PHF3: variants seen among roughly 807,000 people sequenced by gnomAD.
PHF3 encodes PHD finger protein 3.
PHF3 carries 41 observed loss-of-function variants against 178.4 expected under a neutral mutation model. That is an observed-to-expected ratio of 0.23 (90% CI 0.18 to 0.30). The LOEUF is 0.30. Ranked by LOEUF, PHF3 falls within the 10% of genes least tolerant of loss-of-function variation. The pLI is 1.00. For synonymous variants in PHF3, 842 were observed against 800.5 expected (o/e 1.05, Z -0.88); for missense variants, 2,346 against 2,398.1 (o/e 0.98, Z 0.45).
rs140663237 is a variant in PHF3, at chr6:63,685,652, A to G, written c.1930A>G (p.Lys644Glu). The G allele has an allele frequency of 2.5e-6, 4 of 1,614,014 alleles. No homozygotes were observed. In the African/African-American group the frequency reaches 5.3e-5, roughly 22 times the overall value. ...APAMKTNSHV[K>E]EELEHPGVEH... Reference sequence around the variant, plus strand: ...AGCAATGAAAACCAATAGTCACGTGAAGGAAGAGCTTGAACACCCAGGCGT... The same window carrying G: ...AGCAATGAAAACCAATAGTCACGTGGAGGAAGAGCTTGAACACCCAGGCGT... The change falls in exon 4 of 16, where the codon AAG becomes GAG. Residue 644 changes from lysine to glutamate, a missense_variant. Lys to Glu is a moderately conservative substitution (Grantham distance 56). Transcript: ENST00000262043.
At chr6:63,640,632 G>A (rs1345902113) in intron 1 of PHF3, among the ~76,000 whole-genome samples, 1 of 152,154 alleles carries the variant, frequency 6.6e-6, no homozygotes, top group African/African-American at 2.4e-5. Context: ...TGTTCTTCCT[G>A]TAGGAGATAG....
At chr6:63,707,486 ATAT>A (rs1235249379) in intron 13 of PHF3, among the ~76,000 whole-genome samples, 2 of 152,232 alleles carry the variant, frequency 1.3e-5, no homozygotes, top group Non-Finnish European at 2.9e-5. Context: ...TAACATTATA[ATAT>A]TGTGATAAAT....
In PHF3 at chr6:63,703,602, T is replaced by C. The variant is rs1767569640; in HGVS notation, c.3298T>C (p.Ser1100Pro). ...GSEKQKEEVD[S>P]MSKDTTSQHR... is the part of the protein sequence containing the mutation. Reference sequence around the variant, plus strand: ...TGAAAAACAAAAAGAGGAGGTTGACTCTATGTCTAAAGATACCACTAGTCA... The same window carrying C: ...TGAAAAACAAAAAGAGGAGGTTGACCCTATGTCTAAAGATACCACTAGTCA... The change falls in exon 11 of 16, where the codon TCT becomes CCT. Residue 1100 changes from serine (S) to proline (P), a missense_variant. Transcript: ENST00000262043. 6.2e-7 allele frequency: 1 copy of C among 1,613,160 alleles called. No individual in the cohort carries two copies.
Position 63,712,018 on chromosome 6 carries a change from C to T in PHF3, c.4430C>T (p.Thr1477Ile), listed in dbSNP as rs1275786404. The part of the protein sequence containing the change: ...DDILQSLLGT[T>I]GQVYDQAQSV... ...ATACTTCAAAGCCTTTTGGGCACCA[C>T]TGGTCAAGTATATGACCAGGCCCAG... The change falls in exon 16 of 16, where the codon ACT becomes ATT. Residue 1477 changes from threonine (T) to isoleucine (I), a missense_variant. Physicochemically the swap from Thr to Ile is moderately conservative, Grantham distance 89. Around this residue, in one of 8 missense-constraint regions of PHF3, gnomAD observed 839 missense variants for 806.9 expected, o/e 1.04. Coordinates refer to ENST00000262043, the MANE Select transcript of PHF3 (RefSeq NM_001370348.2). 2 of 1,613,574 alleles carry T rather than the reference C, an allele frequency of 1.2e-6. No individual in the cohort carries two copies. The highest frequency in any genetic ancestry group is 1.7e-6 in the Non-Finnish European group (2 of 1,179,924).
Position 63,716,430 on chromosome 6 carries a change from GAC to G in PHF3, c.*2726_*2727del, listed in dbSNP as rs1285277565. ...CCCAACTGTTCAGTGTGAGTCAGAA[GAC>G]ACAACCAAAAACCTGTAAGTTCTTT... On this transcript the variant is annotated 3_prime_UTR_variant, in exon 16 of 16. Coordinates refer to ENST00000262043, the MANE Select transcript of PHF3 (RefSeq NM_001370348.2). 1.3e-5 allele frequency among the ~76,000 whole-genome samples: 2 copies of G among 152,138 alleles called. No homozygotes were observed. The highest frequency in any genetic ancestry group is 6.6e-5 in the Admixed American group (1 of 15,260).
At chr6:63,667,845 T>C (rs1765745201) in intron 2 of PHF3, among the ~76,000 whole-genome samples, 1 of 152,244 alleles carries the variant, frequency 6.6e-6, no homozygotes. Flanking sequence ...CAAACATATT[T>C]GGCATTCGGA....
intron 5 of PHF3, among the ~76,000 whole-genome samples, chr6:63,693,674 C>T (rs1489053276): frequency 6.6e-6 from 1 of 152,142 alleles, no homozygotes; most frequent in Non-Finnish European, 1.5e-5. Flanking sequence ...CCTCTTTATC[C>T]AGTCTGTATC....
chr6:63,657,655 CT>C (rs1484250304), intron 2 of PHF3, among the ~76,000 whole-genome samples: 3 of 152,106 alleles, frequency 2.0e-5, no homozygotes, highest in African/African-American at 7.2e-5. Flanking sequence ...GCTAGTCTTG[CT>C]GTCGCACAGG....
In PHF3 at chr6:63,725,718, C is replaced by A. The variant is rs1047632445; in HGVS notation, c.*12010C>A. Among the ~76,000 whole-genome samples, 7 of 152,042 alleles carry A rather than the reference C, an allele frequency of 4.6e-5. No homozygotes were observed. The highest frequency in any genetic ancestry group is 1.7e-4 in the African/African-American group (7 of 41,414). On this transcript the variant is annotated 3_prime_UTR_variant, in exon 16 of 16. Transcript: ENST00000262043. ...TGGTCGAATTCCCTGATATTCTTATCATTTAGAAGCAAGTCAAGACACTTC... is the reference window on the plus strand; with the variant it reads ...TGGTCGAATTCCCTGATATTCTTATAATTTAGAAGCAAGTCAAGACACTTC...
At position 63,724,048 on chromosome 6, in the gene PHF3, C is replaced by G. The variant is rs1768519240; in HGVS notation, c.*10340C>G. On this transcript the variant is annotated 3_prime_UTR_variant, in exon 16 of 16. Coordinates refer to ENST00000262043, the MANE Select transcript of PHF3 (RefSeq NM_001370348.2). ...TCTTGACCTCCTGACTTCAGGTGAT[C>G]CGCCCACCTCGGCCTCCCAAAGTGG... 6.6e-6 allele frequency among the ~76,000 whole-genome samples: 1 copy of G among 152,084 alleles called. No homozygotes were observed.
intron 10 of PHF3, 83 bp from the exon 11 acceptor site, chr6:63,703,453 A>G (rs1404850848): frequency 1.4e-6 from 2 of 1,410,352 alleles, no homozygotes; most frequent in African/African-American, 3.0e-5. Flanking sequence ...TTAGGAAAAT[A>G]TAAATGGAAA....
At chr6:63,695,184 G>A (rs890365107) in intron 6 of PHF3, among the ~76,000 whole-genome samples, 13 of 152,068 alleles carry the variant, frequency 8.5e-5, no homozygotes, top group African/African-American at 3.1e-4. Context: ...AAAGATTTTT[G>A]GAGGAGGTAC....
At chr6:63,668,028 T>G (rs1479784002) in intron 2 of PHF3, among the ~76,000 whole-genome samples, 1 of 152,232 alleles carries the variant, frequency 6.6e-6, no homozygotes. Flanking sequence ...ATGAAAATAT[T>G]TATTTCCTCA....
chr6:63,642,167 CTT>C (rs1253963392), intron 1 of PHF3, among the ~76,000 whole-genome samples: 2 of 152,116 alleles, frequency 1.3e-5, no homozygotes, highest in Non-Finnish European at 2.9e-5. Context: ...TATTCTGAGT[CTT>C]TATAAATGGT....
At chr6:63,668,000 C>CGAT (rs1765751375) in intron 2 of PHF3, among the ~76,000 whole-genome samples, 1 of 152,184 alleles carries the variant, frequency 6.6e-6, no homozygotes, top group African/African-American at 2.4e-5. Flanking sequence ...ATCTGCACAG[C>CGAT]GATGCAGCCT....
In PHF3 at chr6:63,718,864, A is replaced by G. The variant is rs1245448755; in HGVS notation, c.*5156A>G. ...TTTTATACATAAAGTATGTTTTCTG[A>G]AAGGTTAGATTTGATTACCAGCTGC... On this transcript the variant is annotated 3_prime_UTR_variant, in exon 16 of 16. Transcript: ENST00000262043. Among the ~76,000 whole-genome samples the G allele has an allele frequency of 3.9e-5, 6 of 151,980 alleles. No individual in the cohort carries two copies. Among genetic ancestry groups the G allele is most frequent in the African/African-American group, 1.4e-4 (6 of 41,416 alleles).
At chr6:63,670,829 T>C (rs928698180) in intron 2 of PHF3, among the ~76,000 whole-genome samples, 12 of 152,238 alleles carry the variant, frequency 7.9e-5, no homozygotes, top group Admixed American at 3.3e-4. Flanking sequence ...TTTAATTCTA[T>C]TTAGTGGAGC....
In PHF3 at chr6:63,712,354, AAG is replaced by A; in HGVS notation, c.4770_4771del (p.Lys1591AsnfsTer13). Reference sequence around the variant, plus strand: ...AAACAAGAGGAAACTGTGGAGAGTAAAGAGAAAACATTAAAAAGACAGCTTCA... The same window carrying A: ...AAACAAGAGGAAACTGTGGAGAGTAAAGAAAACATTAAAAAGACAGCTTCA... On this transcript the variant is annotated frameshift_variant, in exon 16 of 16. Coordinates refer to ENST00000262043, the MANE Select transcript of PHF3 (RefSeq NM_001370348.2). LOFTEE classifies it high-confidence loss of function. 6.2e-7 allele frequency: 1 copy of A among 1,613,724 alleles called. No homozygotes were observed. Among genetic ancestry groups the A allele is most frequent in the Non-Finnish European group, 8.5e-7 (1 of 1,179,910 alleles).
intron 2 of PHF3, among the ~76,000 whole-genome samples, chr6:63,659,466 A>AT (rs1332756533): frequency 6.6e-6 from 1 of 152,144 alleles, no homozygotes; most frequent in African/African-American, 2.4e-5. Flanking sequence ...CTCTTAAGGG[A>AT]TTTTATATAT....
Sources: allele counts gnomAD v4.1 joint callset (sites outside exome capture counted in the v4.1 genomes callset), GRCh38; gene constraint gnomAD v4.1.1; regional missense constraint gnomAD v4.1.1; transcripts MANE v1.5; gene names NCBI Gene and HGNC (gene_info 2026-07-23, HGNC 2026-07-21).